The following FAM120B variants were observed in gnomAD, a reference collection of about 807,000 sequenced individuals.
The protein encoded by FAM120B is family with sequence similarity 120 member B.
FAM120B carries 83 observed loss-of-function variants against 96.3 expected under a neutral mutation model. The observed-to-expected ratio is 0.86, with a 90% CI of 0.72 to 1.03. The LOEUF is 1.03. FAM120B is among the 50% of genes least tolerant of loss of function. The pLI is 0.00. For missense variants in FAM120B, 1,027 were observed against 1,121.2 expected (o/e 0.92, Z 1.20); for synonymous variants, 407 against 402.7 (o/e 1.01, Z -0.13).
intron 6 of FAM120B, among the ~76,000 whole-genome samples, chr6:170,359,112 C>T (rs1788160127): frequency 6.6e-6 from 1 of 152,170 alleles, no homozygotes; most frequent in African/African-American, 2.4e-5. Context: ...TCAAACCTCA[C>T]AACTTAGGCC....
At chr6:170,304,475 A>C (rs938974569), upstream of FAM120B, among the ~76,000 whole-genome samples, 1 of 151,708 alleles carries the variant, frequency 6.6e-6, no homozygotes, top group African/African-American at 2.4e-5. Flanking sequence ...TATCTTCTAG[A>C]CCTGGGAAGA....
At chr6:170,397,152 G>A (rs1778219644) in intron 9 of FAM120B, among the ~76,000 whole-genome samples, 1 of 152,158 alleles carries the variant, frequency 6.6e-6, no homozygotes, top group Admixed American at 6.5e-5. Context: ...CATTAGGGCT[G>A]CTTGGGAAGA....
chr6:170,326,314 C>T (rs767751137), intron 3 of FAM120B, among the ~76,000 whole-genome samples: 4 of 151,532 alleles, frequency 2.6e-5, no homozygotes, highest in Non-Finnish European at 5.9e-5. Flanking sequence ...CTGCAGCTAC[C>T]ACCACAGCCA....
intron 6 of FAM120B, among the ~76,000 whole-genome samples, chr6:170,360,438 C>T (rs1393167827): frequency 6.6e-6 from 1 of 152,212 alleles, no homozygotes; most frequent in Non-Finnish European, 1.5e-5. Flanking sequence ...AGGCTTTTGA[C>T]ACCCTGTCCG....
At chr6:170,365,715 C>CA (rs1788743709) in intron 6 of FAM120B, among the ~76,000 whole-genome samples, 1 of 144,924 alleles carries the variant, frequency 6.9e-6, no homozygotes, top group Non-Finnish European at 1.5e-5. Context: ...ACCCCTCCCT[C>CA]CCCCCCCTCC....
intron 1 of FAM120B, among the ~76,000 whole-genome samples, chr6:170,297,714 G>A (rs1399185334): frequency 6.6e-6 from 1 of 152,186 alleles, no homozygotes; most frequent in Admixed American, 6.5e-5. Context: ...GGCCCACATG[G>A]GCATAGGGAG....
chr6:170,403,310 T>C (rs1049767544), intron 9 of FAM120B, among the ~76,000 whole-genome samples: 2 of 152,220 alleles, frequency 1.3e-5, no homozygotes, highest in Non-Finnish European at 2.9e-5. Flanking sequence ...TTGTAATTAC[T>C]GTGAGGGAGT....
upstream of FAM120B, among the ~76,000 whole-genome samples, chr6:170,292,397 T>TC (rs1296302860): frequency 1.3e-5 from 2 of 152,080 alleles, no homozygotes; most frequent in African/African-American, 4.8e-5. This position sits in a 1 kb window ranked among gnomAD's most constrained non-coding sequence, Gnocchi z 6.6. Flanking sequence ...CTCTTTACCA[T>TC]CCCGCCCGTG....
chr6:170,335,902 TG>T (rs1786389616), intron 4 of FAM120B, among the ~76,000 whole-genome samples: 1 of 152,224 alleles, frequency 6.6e-6, no homozygotes, highest in African/African-American at 2.4e-5. Flanking sequence ...TTGATGGGGT[TG>T]TTTTTTTCTT....
chr6:170,362,597 T>C (rs566571708), intron 6 of FAM120B, among the ~76,000 whole-genome samples: 2 of 152,310 alleles, frequency 1.3e-5, no homozygotes, highest in East Asian at 3.9e-4. Context: ...AGGCCCAGTG[T>C]GTGCACTCAC....
At position 170,318,043 on chromosome 6, in the gene FAM120B, G is replaced by A. The variant is rs1562520159; in HGVS notation, c.653G>A (p.Cys218Tyr). The change falls in exon 2 of 11, where the codon TGT (cysteine) becomes TAT (tyrosine). Residue 218 changes from cysteine to tyrosine, a missense_variant. Cys to Tyr is a radical substitution (Grantham distance 194, BLOSUM62 -2). Transcript: ENST00000476287. ...AAGCTCTGTGAGAGTCTGGGCCTCT[G>A]TGTGGCCGACCTTCCTCTTCTGGCC... ...REKLCESLGLCVADLPLLACL... is the reference protein window; with the variant it reads ...REKLCESLGLYVADLPLLACL... 1.2e-6 allele frequency: 2 copies of A among 1,614,128 alleles called. No individual in the cohort carries two copies. The highest frequency in any genetic ancestry group is 8.5e-7 in the Non-Finnish European group (1 of 1,179,990).
chr6:170,316,907 A>G (rs1050044540), intron 1 of FAM120B, among the ~76,000 whole-genome samples: 3 of 152,230 alleles, frequency 2.0e-5, no homozygotes, highest in African/African-American at 7.2e-5. Context: ...AGAATTTTAT[A>G]TAAGTTGAAT....
At chr6:170,391,531 T>C (rs531833469) in intron 8 of FAM120B, among the ~76,000 whole-genome samples, 2 of 150,828 alleles carry the variant, frequency 1.3e-5, no homozygotes, top group Admixed American at 1.3e-4. Context: ...CGAGACTCCA[T>C]CTCAAAAAAA....
intron 6 of FAM120B, among the ~76,000 whole-genome samples, chr6:170,369,859 T>C (rs1046474904): frequency 1.3e-5 from 2 of 152,126 alleles, no homozygotes; most frequent in Admixed American, 1.3e-4. Context: ...CTTTGCACCT[T>C]GTAGGTACTC....
chr6:170,350,391 A>G (rs1385325888), intron 5 of FAM120B, among the ~76,000 whole-genome samples: 1 of 152,212 alleles, frequency 6.6e-6, no homozygotes, highest in Non-Finnish European at 1.5e-5. Context: ...TGGAGAACAC[A>G]GGCAGTCCGG....
chr6:170,325,255 A>G (rs566652933), intron 3 of FAM120B, among the ~76,000 whole-genome samples: 6 of 152,088 alleles, frequency 3.9e-5, no homozygotes, highest in Non-Finnish European at 8.8e-5. Flanking sequence ...CTTACTGTTA[A>G]TGTTTGCATG....
intron 4 of FAM120B, among the ~76,000 whole-genome samples, chr6:170,347,159 T>G (rs1291978126): frequency 6.6e-6 from 1 of 152,116 alleles, no homozygotes; most frequent in Non-Finnish European, 1.5e-5. Context: ...CTTTTTTGGG[T>G]CATTTGGACT....
intron 3 of FAM120B, among the ~76,000 whole-genome samples, chr6:170,329,480 G>T (rs1196983057): frequency 6.6e-6 from 1 of 152,158 alleles, no homozygotes; most frequent in African/African-American, 2.4e-5. Context: ...ACTGTCCCCT[G>T]CTCAGTGGCT....
upstream of FAM120B, among the ~76,000 whole-genome samples, chr6:170,305,682 A>G (rs1057336018): frequency 6.7e-6 from 1 of 149,956 alleles, no homozygotes; most frequent in Non-Finnish European, 1.5e-5. Flanking sequence ...ACATTTGTCA[A>G]TAACTTACTT....
Sources: allele counts gnomAD v4.1 joint callset (sites outside exome capture counted in the v4.1 genomes callset), GRCh38; gene constraint gnomAD v4.1.1; non-coding constraint Gnocchi (gnomAD v3.1); transcripts MANE v1.5; gene names NCBI Gene and HGNC (gene_info 2026-07-23, HGNC 2026-07-21).